Variants in DENND5A observed in about 807,000 individuals in gnomAD.
DENND5A encodes the protein DENN domain-containing protein 5A.
DENND5A carries 64 observed loss-of-function variants against 140.3 expected under a neutral mutation model. The observed-to-expected ratio is 0.46, with a 90% CI of 0.37 to 0.56. The LOEUF (loss-of-function observed/expected upper bound fraction) is 0.56. Ranked by LOEUF, DENND5A falls within the 20% of genes least tolerant of loss-of-function variation. DENND5A has a pLI of 0.00. For synonymous variants in DENND5A, 605 were observed against 607.7 expected, an observed-to-expected ratio of 1.00 and a Z score of 0.07; for missense variants, 1,292 against 1,593.8, an observed-to-expected ratio of 0.81 and a Z score of 3.22.
At chr11:9,237,652 G>A (rs1196726469) in intron 1 of DENND5A, among the ~76,000 whole-genome samples, 9 of 152,140 alleles carry the variant, frequency 5.9e-5, no homozygotes, top group African/African-American at 1.7e-4. Flanking sequence ...TTGGGAGGCC[G>A]AGGCAGACAG....
intron 1 of DENND5A, among the ~76,000 whole-genome samples, chr11:9,237,613 G>C (rs1186740423): frequency 6.6e-6 from 1 of 151,812 alleles, no homozygotes; most frequent in African/African-American, 2.4e-5. Context: ...GCCAGGTGCA[G>C]TGTGGCACAT....
chr11:9,253,176 C>T (rs1038890894), intron 1 of DENND5A, among the ~76,000 whole-genome samples: 15 of 151,944 alleles, frequency 9.9e-5, no homozygotes, highest in African/African-American at 2.9e-4. Flanking sequence ...ACAAGCTGAG[C>T]GAAGCCCAAG....
chr11:9,179,447 C>G (rs531987237), intron 6 of DENND5A, among the ~76,000 whole-genome samples: 70 of 150,982 alleles, frequency 4.6e-4, no homozygotes, highest in African/African-American at 1.6e-3. Flanking sequence ...TTCTGGCTCT[C>G]TTGATTTTTT....
At chr11:9,196,545 T>C (rs887891162) in intron 4 of DENND5A, among the ~76,000 whole-genome samples, 1 of 152,184 alleles carries the variant, frequency 6.6e-6, no homozygotes, top group Non-Finnish European at 1.5e-5. Context: ...TACACTCTTC[T>C]AATGCTGTGA....
intron 13 of DENND5A, among the ~76,000 whole-genome samples, chr11:9,151,216 AT>A (rs1847604791): frequency 6.6e-6 from 1 of 152,214 alleles, no homozygotes; most frequent in Admixed American, 6.5e-5. Flanking sequence ...GCCCAAGAGA[AT>A]ATATAAAGAA....
At chr11:9,184,580 T>C (rs888250147) in intron 5 of DENND5A, among the ~76,000 whole-genome samples, 1 of 152,202 alleles carries the variant, frequency 6.6e-6, no homozygotes, top group African/African-American at 2.4e-5. Flanking sequence ...ACTAAAGTGA[T>C]CCTACTGATC....
At chr11:9,145,929 G>T in intron 16 of DENND5A, 114 bp from the exon 17 acceptor site, 1 of 1,137,652 alleles carries the variant, frequency 8.8e-7, no homozygotes, top group Non-Finnish European at 1.3e-6. Flanking sequence ...TGCTATCTCA[G>T]CTCAAGCAGA....
intron 1 of DENND5A, among the ~76,000 whole-genome samples, chr11:9,233,615 C>A (rs1850871934): frequency 6.6e-6 from 1 of 151,750 alleles, no homozygotes; most frequent in South Asian, 2.1e-4. Flanking sequence ...GATAGGTATC[C>A]CTAAAATAAT....
intron 11 of DENND5A, among the ~76,000 whole-genome samples, chr11:9,162,233 CTTTTTTTT>C (rs1221675349): frequency 1.0e-5 from 1 of 97,334 alleles, no homozygotes; most frequent in Admixed American, 1.2e-4. Flanking sequence ...CCAGTTCCTT[CTTTTTTTT>C]TTTTTTTTTT....
rs567088754 is a variant in DENND5A at position 9,157,668 on chromosome 11, C to CT, written c.2436+3044dup. ...TTGCTACAAAGGCCATGATCTAGTT[C>CT]TTTTTTATGGCTGTGTAGTGTTGTA... On this transcript the variant is annotated intron_variant, in intron 12 of 22. Transcript: ENST00000328194. Among the ~76,000 whole-genome samples, 22 of 152,270 alleles carry CT rather than the reference C, an allele frequency of 1.4e-4. No homozygotes were observed. The South Asian group carries it at 4.4e-3, about 30-fold the overall frequency.
At position 9,170,737 on chromosome 11, in the gene DENND5A, A is replaced by G. The variant is rs149253278; in HGVS notation, c.1947T>C (p.Thr649=). 152 of 1,613,772 alleles carry G rather than the reference A, an allele frequency of 9.4e-5. No individual in the cohort carries two copies. In the African/African-American group the frequency reaches 1.7e-3, roughly 18 times the overall value. ...TGTCAAGTAAATGTGGGTGAATTGC[A>G]GTATGGTCAATTTTTGCCAGACGCA... ...IELRLAKIDH[T]AIHPHLLDMK... Residue 649 remains threonine, a synonymous_variant, in exon 9 of 23, where the codon ACT becomes ACC. Transcript: ENST00000328194.
At chr11:9,167,506 A>C (rs1848231515) in intron 10 of DENND5A, among the ~76,000 whole-genome samples, 1 of 151,428 alleles carries the variant, frequency 6.6e-6, no homozygotes, top group Non-Finnish European at 1.5e-5. Flanking sequence ...AAAGAAAAAC[A>C]GCCAGGAGCA....
At chr11:9,194,972 C>T (rs1016277738) in intron 4 of DENND5A, among the ~76,000 whole-genome samples, 1 of 151,110 alleles carries the variant, frequency 6.6e-6, no homozygotes, top group Non-Finnish European at 1.5e-5. Flanking sequence ...CCGCCTCAGC[C>T]TCCCAAAGTG....
chr11:9,246,094 T>A (rs1186602538), intron 1 of DENND5A, among the ~76,000 whole-genome samples: 1 of 152,114 alleles, frequency 6.6e-6, no homozygotes, highest in Non-Finnish European at 1.5e-5. Context: ...AAGGAAAATA[T>A]GAGTTCCTTC....
At chr11:9,189,803 G>C (rs1475965521) in intron 5 of DENND5A, among the ~76,000 whole-genome samples, 5 of 152,138 alleles carry the variant, frequency 3.3e-5, no homozygotes, top group African/African-American at 1.2e-4. Flanking sequence ...ACCATGCCCA[G>C]CCAATTTTGT....
chr11:9,172,842 G>C (rs138348301), intron 8 of DENND5A, among the ~76,000 whole-genome samples: 34 of 152,124 alleles, frequency 2.2e-4, no homozygotes, highest in African/African-American at 7.5e-4. Context: ...TTGAGACAGG[G>C]TCTCATTCTG....
intron 1 of DENND5A, among the ~76,000 whole-genome samples, chr11:9,248,195 C>T (rs1851560749): frequency 6.6e-6 from 1 of 152,058 alleles, no homozygotes; most frequent in Non-Finnish European, 1.5e-5. Context: ...GTTGCCTAGG[C>T]TGCTCTGGAA....
At chr11:9,243,639 G>T (rs1376433112) in intron 1 of DENND5A, among the ~76,000 whole-genome samples, 1 of 152,156 alleles carries the variant, frequency 6.6e-6, no homozygotes, top group Non-Finnish European at 1.5e-5. Flanking sequence ...TGCAATCCCA[G>T]CACGTTGGGA....
intron 12 of DENND5A, among the ~76,000 whole-genome samples, chr11:9,155,827 A>G (rs747004582): frequency 6.6e-6 from 1 of 152,242 alleles, no homozygotes; most frequent in South Asian, 2.1e-4. Flanking sequence ...AAAGCCAAAG[A>G]GAGTGGTGAG....
Sources: allele counts gnomAD v4.1 joint callset (sites outside exome capture counted in the v4.1 genomes callset), GRCh38; gene constraint gnomAD v4.1.1; transcripts MANE v1.5; gene names NCBI Gene and HGNC (gene_info 2026-07-23, HGNC 2026-07-21).